Variants in ANKRD30B observed in about 807,000 individuals in gnomAD.
ANKRD30B encodes the protein ankyrin repeat domain 30B, also known as ankyrin repeat domain-containing protein 30B.
A neutral mutation model predicts 202.2 loss-of-function variants in ANKRD30B; 144 were observed. The observed-to-expected ratio is 0.71, with a 90% CI of 0.62 to 0.82. The LOEUF is 0.82. ANKRD30B is among the 40% of genes least tolerant of loss of function. The probability of loss-of-function intolerance (pLI) is 0.00; values close to 1 mark genes in which losing one functional copy is unlikely to be tolerated. For missense variants in ANKRD30B, 1,487 were observed against 1,669.1 expected (o/e 0.89, Z 1.90); for synonymous variants, 508 against 561.3 (o/e 0.91, Z 1.34).
chr18:14,755,506 G>A lies in ANKRD30B; in HGVS notation c.617+501G>A, dbSNP rs868021583. 1.9e-4 allele frequency among the ~76,000 whole-genome samples: 29 copies of A among 151,802 alleles called. 1 individual carries two copies. Among genetic ancestry groups the A allele is most frequent in the Middle Eastern group, 3.4e-3 (1 of 292 alleles). ...GTTGGTGGGCTGCACCCATTAACTC[G>A]TCATTTAGCATTAGGTATATCTCCT... On this transcript the variant is annotated intron_variant, in intron 4 of 43. Coordinates refer to ENST00000690538, the MANE Select transcript of ANKRD30B (RefSeq NM_001367607.2).
rs1289639208 is a variant in ANKRD30B at position 14,811,312 on chromosome 18, C to T, written c.2488+1132C>T. ...CTGCAAGCTCCACCTCCCGGCTTCA[C>T]GCCATTCTCCTGCCTGGGCCTCCCA... On this transcript the variant is annotated intron_variant, in intron 28 of 43. Transcript: ENST00000690538. 4.6e-5 allele frequency among the ~76,000 whole-genome samples: 7 copies of T among 151,028 alleles called. 1 individual carries two copies. Among genetic ancestry groups the T allele is most frequent in the South Asian group, 2.1e-4 (1 of 4,722 alleles).
In ANKRD30B at chr18:14,763,804, G is replaced by T; in HGVS notation, c.939G>T (p.Thr313=). The change falls in exon 7 of 44, where the codon ACG becomes ACT. Residue 313 remains threonine, a synonymous_variant. Coordinates refer to ENST00000690538, the MANE Select transcript of ANKRD30B (RefSeq NM_001367607.2). The stretch of plus-strand genomic sequence containing the variant: ...AGGCTGCACGCTTGGTGGAGGGAAC[G>T]TCTGCCAAAATTCAATGTCTGGGGA... ...PDEAARLVEG[T]SAKIQCLGKA... 2 of 1,613,752 alleles carry T rather than the reference G, an allele frequency of 1.2e-6. No individual in the cohort carries two copies. The highest frequency in any genetic ancestry group is 1.7e-6 in the Non-Finnish European group (2 of 1,179,892).
At chr18:14,886,493 A>G in the ANKRD30B span, among the ~76,000 whole-genome samples, 1 of 152,066 alleles carries the variant, frequency 6.6e-6, no homozygotes, top group East Asian at 1.9e-4. Flanking sequence ...CCAGGAATGG[A>G]TTTACTACTA....
chr18:14,757,859 T>C lies in ANKRD30B; in HGVS notation c.662T>C (p.Val221Ala). ...ATATGTGAAGGCTCATCAGAGATAG[T>C]CGGCATGCTTCTTCAGCAAAATGTT... ...LAICEGSSEI[V>A]GMLLQQNVDV... is the part of the protein sequence containing the mutation. The change falls in exon 5 of 44, where the codon GTC (valine) becomes GCC (alanine). Residue 221 changes from valine (V) to alanine (A), a missense_variant. Around this residue, in one of 6 missense-constraint regions of ANKRD30B, gnomAD observed 889 missense variants for 841.4 expected, o/e 1.06. Coordinates refer to ENST00000690538, the MANE Select transcript of ANKRD30B (RefSeq NM_001367607.2). 1 of 1,613,874 alleles carries C rather than the reference T, an allele frequency of 6.2e-7. No individual in the cohort carries two copies. Among genetic ancestry groups the C allele is most frequent in the Non-Finnish European group, 8.5e-7 (1 of 1,179,916 alleles).
At chr18:14,774,657 T>G (rs769492050) in intron 9 of ANKRD30B, among the ~76,000 whole-genome samples, 12 of 152,170 alleles carry the variant, frequency 7.9e-5, no homozygotes, top group Non-Finnish European at 1.5e-4. Context: ...TAAGGTACTA[T>G]TAAAAACTAA....
Position 14,748,288 on chromosome 18 carries a change from G to A in ANKRD30B, c.-132G>A. On this transcript the variant is annotated 5_prime_UTR_variant, in exon 1 of 44. Transcript: ENST00000690538. ...TTCTGCTGGTGTTGGGGCGGGTGCG[G>A]GAACTGAAGACGGGCGAGTGCGAGC... 1 of 672,856 alleles carries A rather than the reference G, an allele frequency of 1.5e-6. No homozygotes were observed. Among genetic ancestry groups the A allele is most frequent in the Non-Finnish European group, 2.4e-6 (1 of 419,478 alleles). The allele number at this position is 672,856 out of a possible 1,614,324, so 41.7% of individuals were successfully genotyped here.
rs377203989 is a variant in ANKRD30B, at chr18:14,791,414, C to T, written c.1748C>T (p.Thr583Met). ...TACTTTTAACAGAGTCCCTGTGAGA[C>T]GGTTTCACAGAAGGATGTGTATTTA... is the stretch of plus-strand genomic sequence containing the variant. The part of the protein sequence containing the change: ...NSWDSESPCE[T>M]VSQKDVYLPK... The change falls in exon 16 of 44, where the codon ACG (threonine) becomes ATG (methionine). Residue 583 changes from threonine (T) to methionine (M), a missense_variant. Physicochemically the swap from Thr to Met is moderately conservative, Grantham distance 81. Coordinates refer to ENST00000690538, the MANE Select transcript of ANKRD30B (RefSeq NM_001367607.2). 219 of 1,607,364 alleles carry T rather than the reference C, an allele frequency of 1.4e-4. 2 individuals carry two copies. In the South Asian group the frequency reaches 1.7e-3, roughly 12 times the overall value.
Position 14,796,767 on chromosome 18 carries a change from C to T in ANKRD30B, c.1927+352C>T, listed in dbSNP as rs1446995015. ...ATCACCACCTTGTCGTCCCGTAGTG[C>T]CAACAATTCACTGGATATACCCACA... On this transcript the variant is annotated intron_variant, in intron 18 of 43. Transcript: ENST00000690538. Among the ~76,000 whole-genome samples, 3 of 141,020 alleles carry T rather than the reference C, an allele frequency of 2.1e-5. No homozygotes were observed. The East Asian group carries it at 6.8e-4, about 32-fold the overall frequency. The allele number at this position is 141,020 out of a possible 152,430, so 92.5% of individuals were successfully genotyped here.
chr18:14,817,729 G>A (rs1004651965), intron 30 of ANKRD30B, among the ~76,000 whole-genome samples: 1 of 152,092 alleles, frequency 6.6e-6, no homozygotes, highest in African/African-American at 2.4e-5. Context: ...TGTATTAATG[G>A]TATCATTATA....
chr18:14,933,205 A>G, the ANKRD30B span, among the ~76,000 whole-genome samples: 1 of 152,152 alleles, frequency 6.6e-6, no homozygotes, highest in African/African-American at 2.4e-5. Context: ...GAGTGGGGGA[A>G]TGACAGTGGG....
At chr18:14,849,376 T>C (rs921947648) in intron 40 of ANKRD30B, among the ~76,000 whole-genome samples, 1 of 151,786 alleles carries the variant, frequency 6.6e-6, no homozygotes, top group Non-Finnish European at 1.5e-5. Flanking sequence ...AAAATTTATA[T>C]TCATTTACAG....
chr18:14,759,675 T>A (rs1406120352), intron 5 of ANKRD30B, among the ~76,000 whole-genome samples: 1 of 152,216 alleles, frequency 6.6e-6, no homozygotes, highest in Admixed American at 6.5e-5. Flanking sequence ...TCTGTTAGTT[T>A]TCTGCCCTTG....
the ANKRD30B span, among the ~76,000 whole-genome samples, chr18:14,896,481 C>T: frequency 1.3e-5 from 2 of 151,216 alleles, no homozygotes; most frequent in Non-Finnish European, 2.9e-5. Flanking sequence ...AATACAAATT[C>T]TACTAATTTT....
chr18:14,791,594 C>A, intron 16 of ANKRD30B, 103 bp downstream of exon 16: 3 of 857,590 alleles, frequency 3.5e-6, no homozygotes, highest in Admixed American at 2.9e-5. Context: ...CTCCTTAATG[C>A]AAAGCACAGA....
intron 24 of ANKRD30B, among the ~76,000 whole-genome samples, chr18:14,808,017 C>T (rs1043942275): frequency 1.3e-5 from 2 of 150,986 alleles, no homozygotes; most frequent in South Asian, 2.1e-4. Context: ...TTAGAACATC[C>T]TCTGCAATGA....
At chr18:14,934,614 G>T in the ANKRD30B span, among the ~76,000 whole-genome samples, 440 of 152,304 alleles carry the variant, frequency 2.9e-3, 3 homozygotes, top group East Asian at 0.034. Flanking sequence ...ATGCACTGGA[G>T]AGGCTGTGGT....
the ANKRD30B span, among the ~76,000 whole-genome samples, chr18:14,902,620 C>T: frequency 3.3e-5 from 5 of 152,126 alleles, no homozygotes; most frequent in African/African-American, 9.7e-5. Context: ...CTCCTCCTTT[C>T]ACCTGTTAAA....
chr18:14,815,232 C>T (rs1461778376), intron 30 of ANKRD30B, among the ~76,000 whole-genome samples: 3 of 111,052 alleles, frequency 2.7e-5, no homozygotes, highest in African/African-American at 7.2e-5. Flanking sequence ...AGCAGCTGAC[C>T]ATGGAGAGCT....
chr18:14,916,361 G>A, the ANKRD30B span, among the ~76,000 whole-genome samples: 2 of 152,210 alleles, frequency 1.3e-5, no homozygotes, highest in Non-Finnish European at 2.9e-5. Flanking sequence ...GGATCTGGAG[G>A]TCCCATTGTC....
Sources: gnomAD v4.1 joint callset for allele counts (sites outside exome capture counted in the v4.1 genomes callset) on GRCh38, gnomAD v4.1.1 for gene constraint, gnomAD v4.1.1 regional missense constraint, MANE v1.5 for transcripts, NCBI Gene and HGNC (gene_info 2026-07-23, HGNC 2026-07-21) for gene names.